The following FRYL variants were observed in gnomAD, a reference collection of about 807,000 sequenced individuals.
The protein encoded by FRYL is protein furry homolog-like.
In FRYL, 150 loss-of-function variants were observed where a neutral mutation model predicts 351.2. The observed-to-expected ratio is 0.43, with a 90% confidence interval of 0.37 to 0.49. FRYL has a LOEUF of 0.49. Ranked by LOEUF, FRYL falls within the 20% of genes least tolerant of loss-of-function variation. FRYL has a pLI of 0.00. For missense variants in FRYL, 3,036 were observed against 3,619.3 expected, an observed-to-expected ratio of 0.84 and a Z score of 4.13; for synonymous variants, 1,153 against 1,257.1, an observed-to-expected ratio of 0.92 and a Z score of 1.75.
chr4:48,682,744 C>T (rs560515666), intron 3 of FRYL, among the ~76,000 whole-genome samples: 2 of 152,162 alleles, frequency 1.3e-5, no homozygotes, highest in Non-Finnish European at 2.9e-5. Context: ...GTTAGAATGG[C>T]GATCATTAAA....
chr4:48,505,511 A>T lies in FRYL; in HGVS notation c.8463+36T>A, dbSNP rs759801511. On this transcript the variant is annotated intron_variant, in intron 60 of 63. Coordinates refer to ENST00000358350, the MANE Select transcript of FRYL (RefSeq NM_015030.2). ...CATGCATTGTTTTACCTGATACAGA[A>T]AATGTATGTTGCAAAAACAGGAACA... The T allele has an allele frequency of 1.6e-5, 20 of 1,265,214 alleles. No homozygotes were observed. The African/African-American group carries it at 2.5e-4, about 16-fold the overall frequency. 78.4% of individuals were successfully genotyped at this position (1,265,214 alleles called of 1,614,324 possible).
chr4:48,522,921 T>A lies in FRYL; in HGVS notation c.7501A>T (p.Ile2501Leu). ...EEEAALTASQ[I>L]LSRTQMLNSD... ...TATACCATCTGTGTGCGTGAGAGTATCTGGCTTGCTGTAAGTGCCGCTTCT... is the reference window on the plus strand; with the variant it reads ...TATACCATCTGTGTGCGTGAGAGTAACTGGCTTGCTGTAAGTGCCGCTTCT... The change falls in exon 54 of 64, where the codon ATA becomes TTA. Residue 2501 changes from isoleucine (I) to leucine (L), a missense_variant. Coordinates refer to ENST00000358350, the MANE Select transcript of FRYL (RefSeq NM_015030.2). 4 of 1,613,744 alleles carry A rather than the reference T, an allele frequency of 2.5e-6. No homozygotes were observed. The highest frequency in any genetic ancestry group is 2.2e-5 in the East Asian group (1 of 44,874).
At chr4:48,582,758 G>A (rs1299432569) in intron 19 of FRYL, 24 bp from the exon 20 acceptor site, 16 of 1,501,048 alleles carry the variant, frequency 1.1e-5, no homozygotes, top group Non-Finnish European at 1.3e-5. Context: ...AATTCCATTA[G>A]CAAACTTCAA....
chr4:48,742,807 A>AT (rs1018264188), intron 1 of FRYL, among the ~76,000 whole-genome samples: 4 of 151,374 alleles, frequency 2.6e-5, no homozygotes, highest in South Asian at 2.1e-4. Flanking sequence ...GTAATCTGAG[A>AT]TTTTTTGTTG....
chr4:48,553,471 CAACTTT>C, intron 35 of FRYL, 88 bp from the exon 36 acceptor site: 2 of 861,190 alleles, frequency 2.3e-6, no homozygotes, highest in Non-Finnish European at 3.7e-6. Flanking sequence ...AGAGTAAGTT[CAACTTT>C]AAGTGGTAGA....
At chr4:48,763,106 T>TAAAAA (rs10683757) in intron 1 of FRYL, among the ~76,000 whole-genome samples, 15 of 91,506 alleles carry the variant, frequency 1.6e-4, no homozygotes, top group South Asian at 4.7e-4. Flanking sequence ...TACAGATCTG[T>TAAAAA]AAAAAAAAAA....
chr4:48,571,867 A>G (rs1738403598), intron 26 of FRYL: 1 of 985,236 alleles, frequency 1.0e-6, no homozygotes, highest in Non-Finnish European at 1.2e-6. Context: ...TTCAAGGCAC[A>G]TCACTGCATG....
intron 55 of FRYL, among the ~76,000 whole-genome samples, chr4:48,517,835 A>G (rs1182786678): frequency 6.6e-6 from 1 of 152,240 alleles, no homozygotes; most frequent in East Asian, 1.9e-4. Flanking sequence ...GAGTGGATTT[A>G]TTCCTTTAAT....
chr4:48,600,457 T>C (rs548456387), intron 13 of FRYL, among the ~76,000 whole-genome samples: 2 of 152,290 alleles, frequency 1.3e-5, no homozygotes, highest in African/African-American at 2.4e-5. Flanking sequence ...GCCTGGCAGA[T>C]TGACATAGCC....
chr4:48,540,685 T>C lies in FRYL; in HGVS notation c.5963A>G (p.Tyr1988Cys), dbSNP rs1301627553. 6 of 1,613,918 alleles carry C rather than the reference T, an allele frequency of 3.7e-6. No individual in the cohort carries two copies. The African/African-American group carries it at 8.0e-5, about 22-fold the overall frequency. The change falls in exon 46 of 64, where the codon TAT becomes TGT. Residue 1988 changes from tyrosine to cysteine, a missense_variant. Tyr to Cys is a radical substitution (Grantham distance 194). Coordinates refer to ENST00000358350, the MANE Select transcript of FRYL (RefSeq NM_015030.2). ...AGGCTCAGTAGTGGACTGCACGTCA[T>C]ACATTCCTTTCTCTCTTAGAGAGGA... ...SLSSLREKGM[Y>C]DVQSTTEPTN...
chr4:48,514,262 A>T (rs1019728004), intron 56 of FRYL, among the ~76,000 whole-genome samples: 3 of 152,170 alleles, frequency 2.0e-5, no homozygotes, highest in Non-Finnish European at 4.4e-5. Flanking sequence ...AGATACACTC[A>T]CAGAGTGCAT....
At chr4:48,506,613 C>G (rs1720994847) in intron 59 of FRYL, 1 of 64,670 alleles carries the variant, frequency 1.5e-5, no homozygotes, top group Non-Finnish European at 2.7e-5. Flanking sequence ...AACAATACAA[C>G]TAATATATAT....
In FRYL at chr4:48,567,260, G is replaced by A; in HGVS notation, c.3157C>T (p.Gln1053Ter). The A allele has an allele frequency of 6.2e-7, 1 of 1,608,314 alleles. No individual in the cohort carries two copies. The highest frequency in any genetic ancestry group is 8.5e-7 in the Non-Finnish European group (1 of 1,178,036). ...CTGAAAATAATACCTGGAACATTCT[G>A]AATAATATTCGCCACTAAGGCACTA... is the stretch of plus-strand genomic sequence containing the variant. ...HFSALVANII[Q>*]NVPVHQRRSI... Residue 1053 changes from glutamine (Q) to a stop codon, truncating the protein, a stop_gained, in exon 28 of 64, where the codon CAG becomes TAG. Transcript: ENST00000358350. LOFTEE classifies it high-confidence loss of function. The surrounding 1 kb of genome is among the most constrained non-coding windows in gnomAD (Gnocchi z 4.2).
At position 48,718,044 on chromosome 4, in the gene FRYL, C is replaced by T. The variant is rs187684583; in HGVS notation, c.-383-7346G>A. On this transcript the variant is annotated intron_variant, in intron 1 of 63. Transcript: ENST00000358350. ...ACCAGATTACTGGCAATCCTAAAAC[C>T]GTAGACAAGCAACAAGTTCTGAGCT... Among the ~76,000 whole-genome samples the T allele has an allele frequency of 2.0e-5, 3 of 151,708 alleles. No individual in the cohort carries two copies. In the South Asian group the frequency reaches 6.2e-4, roughly 32 times the overall value.
Position 48,626,926 on chromosome 4 carries a change from T to C in FRYL, c.121-3747A>G, listed in dbSNP as rs533070482. On this transcript the variant is annotated intron_variant, in intron 4 of 63. Transcript: ENST00000358350. ...TGAAGCCACATTACCTTTACTTTCT[T>C]AATAAGGTGAGATTTGGGGAACGTC... Among the ~76,000 whole-genome samples the C allele has an allele frequency of 7.2e-5, 11 of 152,248 alleles. No homozygotes were observed. The South Asian group carries it at 2.3e-3, about 32-fold the overall frequency.
intron 18 of FRYL, 87 bp from the exon 19 acceptor site, chr4:48,586,815 C>T (rs1354769117): frequency 1.0e-5 from 8 of 803,922 alleles, no homozygotes; most frequent in Non-Finnish European, 1.6e-5. Context: ...ACAGAAAGTG[C>T]GAGTCCTCCC....
chr4:48,559,709 A>C (rs1735018782), intron 33 of FRYL, among the ~76,000 whole-genome samples: 1 of 142,448 alleles, frequency 7.0e-6, no homozygotes, highest in Admixed American at 7.1e-5. Context: ...GGAGAGGGAG[A>C]GAGAGAGACT....
intron 1 of FRYL, among the ~76,000 whole-genome samples, chr4:48,763,065 A>C (rs1269649320): frequency 4.3e-5 from 6 of 140,000 alleles, no homozygotes; most frequent in Non-Finnish European, 4.5e-5. Flanking sequence ...GAATTTAATG[A>C]CTTTCCCCAA....
intron 2 of FRYL, among the ~76,000 whole-genome samples, chr4:48,703,690 A>G (rs1235252142): frequency 1.3e-5 from 2 of 152,172 alleles, no homozygotes; most frequent in Non-Finnish European, 2.9e-5. Flanking sequence ...CAATGTAATA[A>G]TGTGTCCCCA....
Sources: gnomAD v4.1 joint callset for allele counts (sites outside exome capture counted in the v4.1 genomes callset) on GRCh38, gnomAD v4.1.1 for gene constraint, Gnocchi (gnomAD v3.1) non-coding constraint, MANE v1.5 for transcripts, NCBI Gene and HGNC (gene_info 2026-07-23, HGNC 2026-07-21) for gene names.